The following ANKS1B variants were observed in gnomAD, a reference collection of about 807,000 sequenced individuals.
ANKS1B encodes ankyrin repeat and sterile alpha motif domain-containing protein 1B.
Under a neutral mutation model 148.3 loss-of-function variants are expected in ANKS1B, and 36 were observed. That is an observed-to-expected ratio of 0.24 (90% CI 0.19 to 0.32). The LOEUF (loss-of-function observed/expected upper bound fraction) is 0.32. Ranked by LOEUF, ANKS1B falls within the 10% of genes least tolerant of loss-of-function variation. The pLI is 1.00. For missense variants in ANKS1B, 1,157 were observed against 1,542.6 expected (o/e 0.75, Z 4.19); for synonymous variants, 542 against 560.8 (o/e 0.97, Z 0.47).
At chr12:99,087,701 G>T (rs1434201228) in intron 15 of ANKS1B, among the ~76,000 whole-genome samples, 2 of 152,144 alleles carry the variant, frequency 1.3e-5, no homozygotes, top group African/African-American at 4.8e-5. Flanking sequence ...AACATTACCA[G>T]GTTTTCCAGG....
intron 9 of ANKS1B, among the ~76,000 whole-genome samples, chr12:99,590,258 C>CCCCCCA (rs1555503129): frequency 1.5e-5 from 2 of 132,806 alleles, no homozygotes; most frequent in African/African-American, 2.7e-5. Context: ...CCACACCCAC[C>CCCCCCA]CACACACACA....
intron 12 of ANKS1B, among the ~76,000 whole-genome samples, chr12:99,305,954 T>C (rs925315141): frequency 4.6e-5 from 7 of 152,166 alleles, no homozygotes; most frequent in Admixed American, 1.3e-4. Flanking sequence ...TATTTTTTCT[T>C]TAACTTCCAT....
intron 10 of ANKS1B, among the ~76,000 whole-genome samples, chr12:99,468,577 T>C (rs2152893546): frequency 6.6e-6 from 1 of 152,150 alleles, no homozygotes; most frequent in Non-Finnish European, 1.5e-5. Flanking sequence ...TACAATGAAC[T>C]CAAACAAATT....
At chr12:99,894,719 C>T (rs2093319371) in intron 1 of ANKS1B, among the ~76,000 whole-genome samples, 1 of 149,524 alleles carries the variant, frequency 6.7e-6, no homozygotes, top group East Asian at 1.9e-4. Context: ...TAGATTATTT[C>T]ACCCCACTCT....
chr12:98,855,135 C>T (rs937328026), intron 17 of ANKS1B, among the ~76,000 whole-genome samples: 3 of 147,470 alleles, frequency 2.0e-5, no homozygotes, highest in South Asian at 2.1e-4. Context: ...GTCCGCAGTC[C>T]GACCTGGGCG....
intron 14 of ANKS1B, among the ~76,000 whole-genome samples, chr12:99,201,688 G>A (rs926188907): frequency 6.6e-6 from 1 of 152,114 alleles, no homozygotes; most frequent in Non-Finnish European, 1.5e-5. Context: ...AAGCCAAGTA[G>A]TAAACAGTCT....
chr12:98,977,269 A>T (rs987166603), intron 17 of ANKS1B, among the ~76,000 whole-genome samples: 2 of 152,232 alleles, frequency 1.3e-5, no homozygotes, highest in African/African-American at 4.8e-5. Context: ...GTAAAACTTA[A>T]ATCATTTTAT....
chr12:99,545,624 G>A (rs983699817), intron 9 of ANKS1B, among the ~76,000 whole-genome samples: 2 of 151,796 alleles, frequency 1.3e-5, no homozygotes, highest in African/African-American at 2.4e-5. Context: ...TTTAGGGAAA[G>A]AATGGTATAG....
chr12:99,335,618 G>A (rs536969631), intron 12 of ANKS1B, among the ~76,000 whole-genome samples: 4 of 151,920 alleles, frequency 2.6e-5, no homozygotes, highest in African/African-American at 9.6e-5. Flanking sequence ...TCTGTGCCTG[G>A]CTTATTTCTA....
At chr12:98,911,529 C>T (rs1312067984) in intron 17 of ANKS1B, among the ~76,000 whole-genome samples, 1 of 152,192 alleles carries the variant, frequency 6.6e-6, no homozygotes, top group African/African-American at 2.4e-5. Context: ...AATGCACTAC[C>T]TTGGACTATA....
chr12:99,000,844 T>A (rs1248432677), intron 17 of ANKS1B, among the ~76,000 whole-genome samples: 1 of 152,198 alleles, frequency 6.6e-6, no homozygotes, highest in Non-Finnish European at 1.5e-5. Context: ...CAAAGTGCAA[T>A]CTTGCAGTAT....
intron 17 of ANKS1B, among the ~76,000 whole-genome samples, chr12:98,953,613 C>T (rs974878326): frequency 8.7e-6 from 1 of 114,842 alleles, no homozygotes; most frequent in African/African-American, 3.4e-5. Flanking sequence ...CATGCACATT[C>T]CTTTCTTTCT....
chr12:99,067,804 T>A (rs769756107), intron 16 of ANKS1B, among the ~76,000 whole-genome samples: 1 of 152,058 alleles, frequency 6.6e-6, no homozygotes, highest in Non-Finnish European at 1.5e-5. Context: ...AGAACAGCAG[T>A]CACAACAAAA....
At chr12:99,092,125 G>A (rs2054215022) in intron 15 of ANKS1B, among the ~76,000 whole-genome samples, 1 of 110,988 alleles carries the variant, frequency 9.0e-6, no homozygotes, top group African/African-American at 2.6e-5. Flanking sequence ...AATCAGGCTT[G>A]GCAGGGACCT....
At chr12:99,789,719 T>A (rs2065410205) in intron 4 of ANKS1B, among the ~76,000 whole-genome samples, 1 of 151,864 alleles carries the variant, frequency 6.6e-6, no homozygotes, top group Non-Finnish European at 1.5e-5. Flanking sequence ...GAAGAAAAAA[T>A]TAACGAGCTT....
At chr12:99,599,734 T>C (rs2097786223) in intron 9 of ANKS1B, among the ~76,000 whole-genome samples, 1 of 151,930 alleles carries the variant, frequency 6.6e-6, no homozygotes, top group Non-Finnish European at 1.5e-5. Flanking sequence ...GGAAATACCA[T>C]AGGAGGTACT....
chr12:99,645,191 C>CACTAAGCCAAT (rs2098349069), intron 9 of ANKS1B, among the ~76,000 whole-genome samples: 1 of 152,174 alleles, frequency 6.6e-6, no homozygotes, highest in African/African-American at 2.4e-5. Context: ...TTTTCAATTA[C>CACTAAGCCAAT]ATAGTTTTAA....
At chr12:99,382,698 A>T (rs1441325354) in intron 12 of ANKS1B, among the ~76,000 whole-genome samples, 3 of 20,370 alleles carry the variant, frequency 1.5e-4, no homozygotes, top group Non-Finnish European at 2.8e-4. Flanking sequence ...ACTCTGTATT[A>T]AAAAAAAAAA....
At chr12:99,578,602 G>A (rs1307461537) in intron 9 of ANKS1B, among the ~76,000 whole-genome samples, 1 of 152,000 alleles carries the variant, frequency 6.6e-6, no homozygotes, top group Non-Finnish European at 1.5e-5. Flanking sequence ...AATCACAACA[G>A]CCACAAAAAG....
Sources: allele counts gnomAD v4.1 joint callset (sites outside exome capture counted in the v4.1 genomes callset), GRCh38; gene constraint gnomAD v4.1.1; transcripts MANE v1.5; gene names NCBI Gene and HGNC (gene_info 2026-07-23, HGNC 2026-07-21).